The following EPN2 variants were observed in gnomAD, a reference collection of about 807,000 sequenced individuals.
EPN2 encodes epsin-2.
Under a neutral mutation model 61.7 loss-of-function variants are expected in EPN2, and 34 were observed. The observed-to-expected ratio is 0.55, with a 90% CI of 0.42 to 0.73. The LOEUF is 0.73. Ranked by LOEUF, EPN2 falls within the 30% of genes least tolerant of loss-of-function variation. The probability of loss-of-function intolerance (pLI) is 0.00; values close to 1 mark genes in which losing one functional copy is unlikely to be tolerated. For synonymous variants in EPN2, 349 were observed against 353.6 expected, an observed-to-expected ratio of 0.99 and a Z score of 0.15; for missense variants, 714 against 839.2, an observed-to-expected ratio of 0.85 and a Z score of 1.84.
chr17:19,333,963 C>G lies in EPN2; in HGVS notation c.1635C>G (p.Pro545=). 6.5e-7 allele frequency: 1 copy of G among 1,540,348 alleles called. No homozygotes were observed. ...CTCCTTCTGTCTCCCCAGGTGCTCC[C>G]GCCACCTCGGCCCCTGTTAACCCTT... ...SLNPFLAPGA[P]ATSAPVNPFQ... Residue 545 remains proline, a synonymous_variant, in exon 11 of 11, where the codon CCC becomes CCG. Coordinates refer to ENST00000314728, the MANE Select transcript of EPN2 (RefSeq NM_014964.5).
intron 1 of EPN2, among the ~76,000 whole-genome samples, chr17:19,244,407 C>T (rs915987082): frequency 6.6e-6 from 1 of 150,764 alleles, no homozygotes; most frequent in Non-Finnish European, 1.5e-5. Flanking sequence ...TGCAGTGAGC[C>T]GAGATTGTGC....
intron 4 of EPN2, among the ~76,000 whole-genome samples, chr17:19,307,004 A>G (rs1053518641): frequency 6.6e-6 from 1 of 152,202 alleles, no homozygotes; most frequent in Non-Finnish European, 1.5e-5. Context: ...AAGAGTCCCC[A>G]GGAACTGTCT....
chr17:19,278,273 G>A (rs991512640), intron 1 of EPN2, among the ~76,000 whole-genome samples: 1 of 152,040 alleles, frequency 6.6e-6, no homozygotes, highest in Non-Finnish European at 1.5e-5. Flanking sequence ...ACCACACCTG[G>A]TCCTAGTGAG....
chr17:19,289,078 T>TGTG (rs57769927), intron 4 of EPN2, among the ~76,000 whole-genome samples: 1 of 127,796 alleles, frequency 7.8e-6, no homozygotes, highest in African/African-American at 3.2e-5. Context: ...GGGTATGTTT[T>TGTG]TTTTTTTTTT....
intron 7 of EPN2, among the ~76,000 whole-genome samples, chr17:19,318,429 A>G (rs1203668455): frequency 6.6e-6 from 1 of 151,496 alleles, no homozygotes; most frequent in Non-Finnish European, 1.5e-5. Context: ...GGCACTTGTA[A>G]TCCCAGCTAC....
intron 1 of EPN2, among the ~76,000 whole-genome samples, chr17:19,244,796 T>C (rs1567840337): frequency 6.6e-6 from 1 of 152,300 alleles, no homozygotes; most frequent in East Asian, 1.9e-4. Flanking sequence ...CCTATCACCA[T>C]TTCTCATTTT....
chr17:19,242,004 T>C (rs1001438839), intron 1 of EPN2, among the ~76,000 whole-genome samples: 1 of 152,086 alleles, frequency 6.6e-6, no homozygotes, highest in Non-Finnish European at 1.5e-5. Flanking sequence ...ATTTAGAAGG[T>C]TGGGAATTGT....
intron 1 of EPN2, among the ~76,000 whole-genome samples, chr17:19,275,243 T>C (rs1411079926): frequency 1.3e-5 from 2 of 152,142 alleles, no homozygotes; most frequent in African/African-American, 4.8e-5. Flanking sequence ...CTCTGTCCTT[T>C]TGTTGTTTGG....
chr17:19,316,665 G>A (rs550584005), intron 7 of EPN2, among the ~76,000 whole-genome samples: 15 of 152,250 alleles, frequency 9.9e-5, no homozygotes, highest in African/African-American at 2.9e-4. Context: ...ATATAATTAC[G>A]TGTGTATGTA....
chr17:19,265,378 GAA>G (rs571952205), intron 1 of EPN2, among the ~76,000 whole-genome samples: 6 of 137,860 alleles, frequency 4.4e-5, no homozygotes, highest in Non-Finnish European at 8.0e-5. Context: ...CCTTTCTCAG[GAA>G]AAAAAAAAAA....
chr17:19,284,431 G>A (rs887065921), intron 3 of EPN2, among the ~76,000 whole-genome samples: 5 of 152,194 alleles, frequency 3.3e-5, no homozygotes, highest in Non-Finnish European at 7.3e-5. Context: ...CTGTTCATTG[G>A]AAGTGGTCCC....
intron 5 of EPN2, 139 bp downstream of exon 5, chr17:19,310,136 G>T: frequency 1.5e-6 from 1 of 660,604 alleles, no homozygotes; most frequent in South Asian, 1.7e-5. Flanking sequence ...ATTTCATGCT[G>T]CCGTAAGTGT....
At chr17:19,263,516 T>C (rs1042664346) in intron 1 of EPN2, among the ~76,000 whole-genome samples, 5 of 152,186 alleles carry the variant, frequency 3.3e-5, no homozygotes, top group Admixed American at 2.0e-4. Flanking sequence ...GGCAACCACA[T>C]AGAAGTAATA....
intron 4 of EPN2, chr17:19,308,448 T>C (rs1165299169): frequency 2.0e-6 from 2 of 985,270 alleles, no homozygotes; most frequent in African/African-American, 3.5e-5. Flanking sequence ...GACCTGTGCA[T>C]GCACCTGTCT....
chr17:19,254,460 G>C (rs977104800), intron 1 of EPN2, among the ~76,000 whole-genome samples: 2 of 152,240 alleles, frequency 1.3e-5, no homozygotes, highest in Admixed American at 6.5e-5. Context: ...AGAATCCCTC[G>C]AACCCAGGAG....
chr17:19,253,558 G>C (rs1360402346), intron 1 of EPN2, among the ~76,000 whole-genome samples: 1 of 151,836 alleles, frequency 6.6e-6, no homozygotes, highest in South Asian at 2.1e-4. Context: ...GGGGCTACAG[G>C]CCTGGCTAAT....
intron 1 of EPN2, among the ~76,000 whole-genome samples, chr17:19,265,378 G>GAA (rs571952205): frequency 0.26 from 36,099 of 137,702 alleles, 6,639 homozygotes; most frequent in East Asian, 0.58. Flanking sequence ...CCTTTCTCAG[G>GAA]AAAAAAAAAA....
rs184887051 is a variant in EPN2 at position 19,335,291 on chromosome 17, T to C, written c.*1037T>C. On this transcript the variant is annotated 3_prime_UTR_variant, in exon 11 of 11. Transcript: ENST00000314728. The stretch of plus-strand genomic sequence containing the variant: ...ACTTTCAGCCTTTTTGGCTAGATCC[T>C]GAGAGGCTATTTTTCTTACGAATAT... 6.4e-6 allele frequency: 7 copies of C among 1,097,708 alleles called. No individual in the cohort carries two copies. In the East Asian group the frequency reaches 1.6e-4, roughly 25 times the overall value. 68.0% of individuals were successfully genotyped at this position (1,097,708 alleles called of 1,614,324 possible). A position where few individuals can be genotyped will look rare whatever the true frequency, so the allele number is the denominator to read the frequency against.
chr17:19,246,747 A>G (rs2044955467), intron 1 of EPN2, among the ~76,000 whole-genome samples: 1 of 144,538 alleles, frequency 6.9e-6, no homozygotes. Context: ...CCCCCCTGAA[A>G]GCAAGTCCTC....
Sources: gnomAD v4.1 joint callset for allele counts (sites outside exome capture counted in the v4.1 genomes callset) on GRCh38, gnomAD v4.1.1 for gene constraint, MANE v1.5 for transcripts, NCBI Gene and HGNC (gene_info 2026-07-23, HGNC 2026-07-21) for gene names.